Variants in LHFPL3 observed in about 807,000 individuals in gnomAD.
LHFPL3 encodes LHFPL tetraspan subfamily member 3.
LHFPL3 carries 5 observed loss-of-function variants against 19.3 expected under a neutral mutation model. That is an observed-to-expected ratio of 0.26 (90% CI 0.14 to 0.54). The LOEUF is 0.54. Among genes scored for constraint, LHFPL3 ranks in the 20% least tolerant of loss-of-function variants. The pLI is 0.94. For missense variants in LHFPL3, 249 were observed against 307.4 expected (o/e 0.81, Z 1.42); for synonymous variants, 133 against 126.2 (o/e 1.05, Z -0.36).
chr7:104,473,106 A>G (rs1792942537), intron 1 of LHFPL3, among the ~76,000 whole-genome samples: 1 of 152,238 alleles, frequency 6.6e-6, no homozygotes, highest in African/African-American at 2.4e-5. Flanking sequence ...TTTTCAAACA[A>G]ATGGCTCAGC....
At chr7:104,506,059 C>T (rs1394343347) in intron 1 of LHFPL3, among the ~76,000 whole-genome samples, 1 of 151,778 alleles carries the variant, frequency 6.6e-6, no homozygotes, top group Non-Finnish European at 1.5e-5. Context: ...ACTCTGTCGC[C>T]AGGCTGGAGT....
chr7:104,768,755 A>G (rs931995771), intron 2 of LHFPL3: 1 of 152,206 alleles, frequency 6.6e-6, no homozygotes, highest in Non-Finnish European at 1.5e-5. Context: ...GCCACCTTCC[A>G]TCGGAATGAA....
rs1259553052 is a variant in LHFPL3, at chr7:104,489,163, A to G, written c.445+159939A>G. ...AGTGGCGGGATCTCGGCTCATTGCAAGCTCCACCTCCCGGGTTCACGCCAT... is the reference window on the plus strand; with the variant it reads ...AGTGGCGGGATCTCGGCTCATTGCAGGCTCCACCTCCCGGGTTCACGCCAT... On this transcript the variant is annotated intron_variant, in intron 1 of 2. Transcript: ENST00000424859. Among the ~76,000 whole-genome samples the G allele has an allele frequency of 1.6e-4, 6 of 36,566 alleles. 2 individuals carry two copies. The highest frequency in any genetic ancestry group is 5.6e-4 in the Non-Finnish European group (6 of 10,756). 24.0% of individuals were successfully genotyped at this position (36,566 alleles called of 152,430 possible).
At chr7:104,770,137 C>T (rs1794526808) in intron 2 of LHFPL3, among the ~76,000 whole-genome samples, 1 of 152,050 alleles carries the variant, frequency 6.6e-6, no homozygotes, top group South Asian at 2.1e-4. Context: ...AACTACAATA[C>T]ACTGTATCTC....
chr7:104,730,589 G>T (rs1793681459), intron 1 of LHFPL3, among the ~76,000 whole-genome samples: 1 of 135,460 alleles, frequency 7.4e-6, no homozygotes, highest in South Asian at 2.3e-4. Context: ...TTTTGATGGG[G>T]TTGTTTGTTT....
At chr7:104,849,543 TAA>T (rs895513336) in intron 2 of LHFPL3, among the ~76,000 whole-genome samples, 15 of 150,744 alleles carry the variant, frequency 1.0e-4, no homozygotes, top group African/African-American at 3.5e-4. Flanking sequence ...GATTAATTAA[TAA>T]GAGAAAAGGC....
intron 1 of LHFPL3, among the ~76,000 whole-genome samples, chr7:104,543,628 A>G (rs1159038223): frequency 6.6e-6 from 1 of 151,778 alleles, no homozygotes; most frequent in Non-Finnish European, 1.5e-5. Flanking sequence ...CACGGATGAA[A>G]CTGGAAACCA....
chr7:104,692,603 C>T (rs979435650), intron 1 of LHFPL3, among the ~76,000 whole-genome samples: 1 of 152,242 alleles, frequency 6.6e-6, no homozygotes, highest in African/African-American at 2.4e-5. Flanking sequence ...GGCCAACGTA[C>T]AGCTCAGGTC....
intron 1 of LHFPL3, among the ~76,000 whole-genome samples, chr7:104,729,235 T>G (rs1793644660): frequency 6.6e-6 from 1 of 152,214 alleles, no homozygotes; most frequent in Admixed American, 6.5e-5. Flanking sequence ...AAACTTTTTT[T>G]ATTGACTCAT....
chr7:104,804,139 G>A (rs1790308530), intron 2 of LHFPL3: 1 of 152,174 alleles, frequency 6.6e-6, no homozygotes, highest in Non-Finnish European at 1.5e-5. Context: ...TATCTTTCCA[G>A]GATTCCCAAG....
At chr7:104,792,082 G>A (rs1443690512) in intron 2 of LHFPL3, among the ~76,000 whole-genome samples, 4 of 152,100 alleles carry the variant, frequency 2.6e-5, no homozygotes, top group Non-Finnish European at 4.4e-5. Context: ...ATTCTCATTC[G>A]AAATCAAAGG....
chr7:104,682,974 G>A (rs1584478631), intron 1 of LHFPL3, among the ~76,000 whole-genome samples: 1 of 152,114 alleles, frequency 6.6e-6, no homozygotes, highest in Non-Finnish European at 1.5e-5. Context: ...AATTACACTG[G>A]TGAATTGTTT....
At chr7:104,736,409 C>T (rs1405274884) in intron 1 of LHFPL3, among the ~76,000 whole-genome samples, 5 of 152,212 alleles carry the variant, frequency 3.3e-5, no homozygotes, top group Non-Finnish European at 7.4e-5. Context: ...GGGATGCTTG[C>T]GTTCACTGTA....
At chr7:104,815,733 C>T (rs1349474861) in intron 2 of LHFPL3, among the ~76,000 whole-genome samples, 2 of 152,188 alleles carry the variant, frequency 1.3e-5, no homozygotes, top group African/African-American at 4.8e-5. Flanking sequence ...CACCACCCCA[C>T]CCCACACAGT....
chr7:104,377,170 T>G (rs1790731970), intron 1 of LHFPL3, among the ~76,000 whole-genome samples: 1 of 152,206 alleles, frequency 6.6e-6, no homozygotes. Flanking sequence ...GTTCCATGCC[T>G]TGTTTCATCA....
chr7:104,353,836 T>C (rs1790223425), intron 1 of LHFPL3, among the ~76,000 whole-genome samples: 1 of 152,252 alleles, frequency 6.6e-6, no homozygotes, highest in Admixed American at 6.5e-5. Flanking sequence ...TTGCTGATGA[T>C]GTAGCTAAAG....
chr7:104,561,833 T>C (rs1790011152), intron 1 of LHFPL3, among the ~76,000 whole-genome samples: 1 of 152,208 alleles, frequency 6.6e-6, no homozygotes, highest in African/African-American at 2.4e-5. Flanking sequence ...GTTGTTCCTT[T>C]CCATGTTTAG....
chr7:104,785,128 C>T (rs1451735386), intron 2 of LHFPL3: 2 of 152,144 alleles, frequency 1.3e-5, no homozygotes, highest in South Asian at 2.1e-4. Flanking sequence ...ACCTGCTTCC[C>T]TCCCTTTCTT....
intron 2 of LHFPL3, among the ~76,000 whole-genome samples, chr7:104,839,693 A>G (rs562852910): frequency 3.5e-5 from 5 of 143,496 alleles, no homozygotes; most frequent in African/African-American, 7.6e-5. Flanking sequence ...AAGAAAGAAA[A>G]AAAATTAAAT....
Sources: gnomAD v4.1 joint callset for allele counts (sites outside exome capture counted in the v4.1 genomes callset) on GRCh38, gnomAD v4.1.1 for gene constraint, MANE v1.5 for transcripts, NCBI Gene and HGNC (gene_info 2026-07-23, HGNC 2026-07-21) for gene names.